The following ZFHX4 variants were observed in gnomAD, a reference collection of about 807,000 sequenced individuals.
ZFHX4 encodes zinc finger homeobox 4.
Under a neutral mutation model 267.6 loss-of-function variants are expected in ZFHX4, and 56 were observed. The ratio of observed to expected loss-of-function variants is 0.21; its 90% confidence interval spans 0.17 to 0.26. The LOEUF is 0.26. Ranked by LOEUF, ZFHX4 falls within the 10% of genes least tolerant of loss-of-function variation. The pLI is 1.00. For synonymous variants in ZFHX4, 1,778 were observed against 1,665.6 expected, an observed-to-expected ratio of 1.07 and a Z score of -1.64; for missense variants, 4,332 against 4,420.0, an observed-to-expected ratio of 0.98 and a Z score of 0.56.
intron 3 of ZFHX4, among the ~76,000 whole-genome samples, chr8:76,715,051 CTT>C: frequency 6.6e-6 from 1 of 152,116 alleles, no homozygotes; most frequent in African/African-American, 2.4e-5. Context: ...CATAGCAAGA[CTT>C]TATTTATCAG....
chr8:76,826,844 C>A (rs1018906194), intron 4 of ZFHX4, among the ~76,000 whole-genome samples: 88 of 152,124 alleles, frequency 5.8e-4, no homozygotes, highest in Admixed American at 5.8e-3. Flanking sequence ...AGATAGTAAA[C>A]CTCATGTTTA....
At chr8:76,835,247 A>ATATGTG (rs1554572203) in intron 5 of ZFHX4, among the ~76,000 whole-genome samples, 1 of 138,778 alleles carries the variant, frequency 7.2e-6, no homozygotes, top group African/African-American at 2.8e-5. Context: ...ATATGTATAT[A>ATATGTG]TATATATATA....
chr8:76,838,919 G>A (rs988514258), intron 5 of ZFHX4, among the ~76,000 whole-genome samples: 1 of 152,034 alleles, frequency 6.6e-6, no homozygotes, highest in African/African-American at 2.4e-5. Flanking sequence ...GCTGGATATG[G>A]TGGTGCATGC....
At chr8:76,858,674 A>G (rs1437625190) in intron 10 of ZFHX4, among the ~76,000 whole-genome samples, 2 of 152,072 alleles carry the variant, frequency 1.3e-5, no homozygotes, top group Non-Finnish European at 2.9e-5. Flanking sequence ...GTGGTTCTCT[A>G]TTTTCCCATG....
intron 4 of ZFHX4, among the ~76,000 whole-genome samples, chr8:76,818,915 TA>T (rs534506081): frequency 6.1e-4 from 91 of 149,882 alleles, no homozygotes; most frequent in Non-Finnish European, 8.8e-4. Context: ...AGACCTTGCC[TA>T]AAAAAAAAGA....
chr8:76,839,101 A>AGAGAGAGAG (rs1812169860), intron 5 of ZFHX4, among the ~76,000 whole-genome samples: 6 of 97,668 alleles, frequency 6.1e-5, no homozygotes, highest in South Asian at 3.3e-4. Context: ...GAGAGAGAGA[A>AGAGAGAGAG]GGACAATGGG....
intron 4 of ZFHX4, among the ~76,000 whole-genome samples, chr8:76,792,209 TACA>T (rs1425431074): frequency 1.3e-5 from 2 of 152,140 alleles, no homozygotes; most frequent in African/African-American, 4.8e-5. Context: ...CTGAGATAAA[TACA>T]ACATCAGTTC....
chr8:76,778,530 A>G, intron 4 of ZFHX4, 91 bp downstream of exon 4: 2 of 1,063,978 alleles, frequency 1.9e-6, no homozygotes, highest in Admixed American at 3.6e-5. Flanking sequence ...CACACGCCTC[A>G]AACTCTCCAA....
chr8:76,826,120 T>C (rs1811778987), intron 4 of ZFHX4, among the ~76,000 whole-genome samples: 2 of 152,254 alleles, frequency 1.3e-5, no homozygotes, highest in Non-Finnish European at 2.9e-5. Flanking sequence ...CTTCCAATCA[T>C]GGCAGAAGGC....
intron 5 of ZFHX4, among the ~76,000 whole-genome samples, chr8:76,835,251 A>ATATG (rs1563549159): frequency 6.0e-5 from 5 of 82,650 alleles, no homozygotes; most frequent in Admixed American, 1.1e-4. Flanking sequence ...GTATATATAT[A>ATATG]TATATATATT....
chr8:76,746,537 T>G (rs1809464468), intron 3 of ZFHX4, among the ~76,000 whole-genome samples: 1 of 152,238 alleles, frequency 6.6e-6, no homozygotes, highest in African/African-American at 2.4e-5. Context: ...ATGCAAGTTT[T>G]TATTCACTTT....
chr8:76,843,297 A>C (rs1394052921), intron 6 of ZFHX4, among the ~76,000 whole-genome samples: 1 of 152,212 alleles, frequency 6.6e-6, no homozygotes, highest in Admixed American at 6.5e-5. Flanking sequence ...GAGGTATTTC[A>C]AACAAAATCC....
chr8:76,716,514 A>C (rs2131631298), intron 3 of ZFHX4, among the ~76,000 whole-genome samples: 1 of 152,254 alleles, frequency 6.6e-6, no homozygotes. Flanking sequence ...TGGAATTCTA[A>C]CCTTGGCCTC....
intron 10 of ZFHX4, among the ~76,000 whole-genome samples, chr8:76,857,143 G>T (rs1366311778): frequency 6.6e-6 from 1 of 151,842 alleles, no homozygotes; most frequent in Admixed American, 6.6e-5. Context: ...AATAAGTATA[G>T]GTATTCAATT....
chr8:76,743,683 C>T (rs1809381168), intron 3 of ZFHX4, among the ~76,000 whole-genome samples: 1 of 152,074 alleles, frequency 6.6e-6, no homozygotes, highest in Non-Finnish European at 1.5e-5. Flanking sequence ...GAAATTTCAG[C>T]AGTCATTAGA....
chr8:76,751,016 G>A (rs1585908314), intron 3 of ZFHX4, among the ~76,000 whole-genome samples: 1 of 152,048 alleles, frequency 6.6e-6, no homozygotes, highest in South Asian at 2.1e-4. Flanking sequence ...TTGATTAATA[G>A]GAATATTTTC....
intron 3 of ZFHX4, among the ~76,000 whole-genome samples, chr8:76,759,125 T>A (rs140931291): frequency 5.3e-5 from 8 of 152,326 alleles, no homozygotes; most frequent in African/African-American, 1.9e-4. Context: ...AACTCACTGC[T>A]CAAACCTTAA....
chr8:76,789,976 A>C (rs1001565178), intron 4 of ZFHX4, among the ~76,000 whole-genome samples: 36 of 152,098 alleles, frequency 2.4e-4, no homozygotes, highest in African/African-American at 8.7e-4. Context: ...ATTTGATTTC[A>C]TGTAACATGC....
chr8:76,730,715 A>C (rs1304174589), intron 3 of ZFHX4, among the ~76,000 whole-genome samples: 2 of 152,056 alleles, frequency 1.3e-5, no homozygotes, highest in African/African-American at 4.8e-5. Flanking sequence ...TAAATAAATA[A>C]ATAAATAAAA....
Sources: allele counts gnomAD v4.1 joint callset (sites outside exome capture counted in the v4.1 genomes callset), GRCh38; gene constraint gnomAD v4.1.1; transcripts MANE v1.5; gene names NCBI Gene and HGNC (gene_info 2026-07-23, HGNC 2026-07-21).